ROR2: variants seen among roughly 807,000 people sequenced by gnomAD.
The protein encoded by ROR2 is tyrosine-protein kinase transmembrane receptor ROR2.
ROR2 carries 33 observed loss-of-function variants against 74.9 expected under a neutral mutation model. The ratio of observed to expected loss-of-function variants is 0.44; its 90% CI spans 0.33 to 0.59. ROR2 has a LOEUF of 0.59. Among genes scored for constraint, ROR2 ranks in the 20% least tolerant of loss-of-function variants. ROR2 has a pLI of 0.02. For synonymous variants in ROR2, 586 were observed against 558.7 expected (o/e 1.05, Z -0.69); for missense variants, 1,216 against 1,313.8 (o/e 0.93, Z 1.15).
chr9:91,908,853 A>G (rs901561226), intron 1 of ROR2, among the ~76,000 whole-genome samples: 1 of 152,114 alleles, frequency 6.6e-6, no homozygotes, highest in Non-Finnish European at 1.5e-5. Flanking sequence ...AACACCTTAT[A>G]TTTTCATTAT....
intron 1 of ROR2, among the ~76,000 whole-genome samples, chr9:91,823,456 A>G (rs1828195361): frequency 6.6e-6 from 1 of 150,386 alleles, no homozygotes; most frequent in Non-Finnish European, 1.5e-5. Flanking sequence ...CAGCCTCCCA[A>G]GTAGCTGGGA....
intron 1 of ROR2, among the ~76,000 whole-genome samples, chr9:91,820,732 C>T (rs1048351655): frequency 6.6e-6 from 1 of 152,200 alleles, no homozygotes; most frequent in Non-Finnish European, 1.5e-5. Flanking sequence ...TGACCTTATT[C>T]TTTAGGGTCT....
At chr9:91,780,990 T>C (rs1233902886) in intron 1 of ROR2, among the ~76,000 whole-genome samples, 1 of 152,248 alleles carries the variant, frequency 6.6e-6, no homozygotes, top group African/African-American at 2.4e-5. Flanking sequence ...CTTTTAAACA[T>C]GCTTTGTTAT....
intron 1 of ROR2, among the ~76,000 whole-genome samples, chr9:91,940,825 C>G (rs1831831779): frequency 6.6e-6 from 1 of 151,766 alleles, no homozygotes; most frequent in African/African-American, 2.4e-5. Context: ...TGGTCTTGAA[C>G]CCCTGACCTC....
intron 7 of ROR2, 87 bp from the exon 8 acceptor site, chr9:91,726,830 CA>C (rs1837058445): frequency 2.3e-6 from 3 of 1,282,902 alleles, no homozygotes; most frequent in Non-Finnish European, 2.2e-6. Flanking sequence ...CACCTCCAGC[CA>C]AAATCTTCAC....
intron 1 of ROR2, among the ~76,000 whole-genome samples, chr9:91,889,823 GA>G (rs1830381153): frequency 6.6e-6 from 1 of 152,208 alleles, no homozygotes; most frequent in Admixed American, 6.5e-5. Flanking sequence ...TTCAGAGGGA[GA>G]AATGATATTG....
intron 1 of ROR2, among the ~76,000 whole-genome samples, chr9:91,854,271 C>T (rs1829204823): frequency 1.3e-5 from 2 of 152,322 alleles, no homozygotes; most frequent in South Asian, 4.2e-4. Context: ...AGACCAAGTA[C>T]CCTGGCCAGG....
chr9:91,893,664 A>G (rs928383313), intron 1 of ROR2, among the ~76,000 whole-genome samples: 4 of 152,118 alleles, frequency 2.6e-5, no homozygotes, highest in African/African-American at 9.7e-5. Flanking sequence ...TACACCACAT[A>G]TGTAACAGAA....
intron 1 of ROR2, among the ~76,000 whole-genome samples, chr9:91,901,202 T>G (rs1053364631): frequency 6.6e-5 from 10 of 152,260 alleles, no homozygotes; most frequent in African/African-American, 2.4e-4. Context: ...TTACATGGTA[T>G]GTATAACACA....
At chr9:91,771,973 G>GA (rs1826246070) in intron 2 of ROR2, among the ~76,000 whole-genome samples, 2 of 152,220 alleles carry the variant, frequency 1.3e-5, no homozygotes, top group Non-Finnish European at 2.9e-5. Context: ...ATTCAGCTAT[G>GA]ATTATACATG....
In ROR2 at chr9:91,735,606, C is replaced by CTTTTTTTTTTTTTTTTTT. The variant is rs35146225; in HGVS notation, c.622+1767_622+1784dup. On this transcript the variant is annotated intron_variant, in intron 5 of 8. Transcript: ENST00000375708. Reference sequence around the variant, plus strand: ...GCACGGTTCCTACTAAGGGCTCTAACTTTTTTTTTTTTTTTTTTTTTTTTT... The same window carrying CTTTTTTTTTTTTTTTTTT: ...GCACGGTTCCTACTAAGGGCTCTAACTTTTTTTTTTTTTTTTTTTTTTTTTTTTTTTTTTTTTTTTTTT... Among the ~76,000 whole-genome samples, 47 of 79,010 alleles carry CTTTTTTTTTTTTTTTTTT rather than the reference C, an allele frequency of 5.9e-4. 4 individuals are homozygous for CTTTTTTTTTTTTTTTTTT. The highest frequency in any genetic ancestry group is 2.0e-3 in the East Asian group (4 of 2,002). The allele number at this position is 79,010 out of a possible 152,430, so 51.8% of individuals were successfully genotyped here.
intron 1 of ROR2, among the ~76,000 whole-genome samples, chr9:91,927,495 A>G (rs10992165): frequency 0.23 from 32,152 of 141,120 alleles, 3,895 homozygotes; most frequent in Admixed American, 0.32. Flanking sequence ...TCCATTCACC[A>G]CCTCCATTTG....
chr9:91,908,337 C>T (rs1564031458), intron 1 of ROR2, among the ~76,000 whole-genome samples: 2 of 152,226 alleles, frequency 1.3e-5, no homozygotes, highest in Non-Finnish European at 1.5e-5. Context: ...TCAATCAGAA[C>T]ATCTCCTGAC....
intron 1 of ROR2, among the ~76,000 whole-genome samples, chr9:91,909,842 G>T (rs200857078): frequency 0.033 from 1,827 of 55,346 alleles, 18 homozygotes; most frequent in African/African-American, 0.071. Context: ...TTTTAGGTTT[G>T]TTTTGTTTTT....
At chr9:91,730,518 T>C (rs528508922) in intron 7 of ROR2, among the ~76,000 whole-genome samples, 3 of 152,296 alleles carry the variant, frequency 2.0e-5, no homozygotes, top group South Asian at 2.1e-4. Context: ...TGGAGTGCAG[T>C]GTCACAATCT....
chr9:91,818,617 AG>A (rs1378868449), intron 1 of ROR2, among the ~76,000 whole-genome samples: 2 of 152,174 alleles, frequency 1.3e-5, no homozygotes, highest in African/African-American at 4.8e-5. Context: ...TATGCCACAA[AG>A]GAAGTCCCTG....
At chr9:91,943,804 G>T (rs1289945632) in intron 1 of ROR2, among the ~76,000 whole-genome samples, 1 of 152,028 alleles carries the variant, frequency 6.6e-6, no homozygotes, top group African/African-American at 2.4e-5. Flanking sequence ...GCTATTCTTA[G>T]TGATTTATTT....
intron 1 of ROR2, among the ~76,000 whole-genome samples, chr9:91,881,551 C>T (rs1365216719): frequency 2.0e-5 from 3 of 152,196 alleles, no homozygotes; most frequent in Non-Finnish European, 2.9e-5. Context: ...TGAAGACTTA[C>T]TGTTAGTACT....
At chr9:91,829,696 T>C (rs1239244972) in intron 1 of ROR2, among the ~76,000 whole-genome samples, 2 of 151,768 alleles carry the variant, frequency 1.3e-5, no homozygotes, top group Admixed American at 6.6e-5. Context: ...GAAGGCACAG[T>C]CATATTCTGG....
Sources: allele counts gnomAD v4.1 joint callset (sites outside exome capture counted in the v4.1 genomes callset), GRCh38; gene constraint gnomAD v4.1.1; transcripts MANE v1.5; gene names NCBI Gene and HGNC (gene_info 2026-07-23, HGNC 2026-07-21).